Variants in DMXL1 observed in about 807,000 individuals in gnomAD.
DMXL1 encodes dmX-like protein 1.
In DMXL1, 99 loss-of-function variants were observed where a neutral mutation model predicts 319.2. That is an observed-to-expected ratio of 0.31 (90% CI 0.26 to 0.37). The LOEUF (loss-of-function observed/expected upper bound fraction) is 0.37, where lower values mean the gene tolerates loss of function less well. DMXL1 is among the 10% of genes least tolerant of loss of function. The probability of loss-of-function intolerance (pLI) is 1.00; values close to 1 mark genes in which losing one functional copy is unlikely to be tolerated. For synonymous variants in DMXL1, 1,385 were observed against 1,235.2 expected (o/e 1.12, Z -2.54); for missense variants, 3,745 against 3,595.6 (o/e 1.04, Z -1.06).
intron 3 of DMXL1, among the ~76,000 whole-genome samples, chr5:119,104,654 G>A (rs905666075): frequency 2.6e-5 from 4 of 152,222 alleles, no homozygotes; most frequent in African/African-American, 9.7e-5. Context: ...GTATGTGTGT[G>A]TGTTCTGGGT....
At chr5:119,114,603 A>G (rs1760408494) in intron 6 of DMXL1, 62 bp downstream of exon 6, 2 of 1,029,618 alleles carry the variant, frequency 1.9e-6, no homozygotes, top group South Asian at 1.5e-5. Flanking sequence ...AACTTTAAAA[A>G]CATCAACTGG....
chr5:119,204,014 G>A (rs370508520), intron 33 of DMXL1, among the ~76,000 whole-genome samples: 2 of 152,010 alleles, frequency 1.3e-5, no homozygotes, highest in African/African-American at 4.8e-5. Flanking sequence ...AGTAGAGACG[G>A]GGTTTCACTG....
chr5:119,233,325 C>T lies in DMXL1; in HGVS notation c.8339-15C>T, dbSNP rs1561933846. On this transcript the variant is annotated splice_polypyrimidine_tract_variant and intron_variant, in intron 38 of 43. Transcript: ENST00000539542. The stretch of plus-strand genomic sequence containing the variant: ...CTTGAAATAAATCTGCAATTTTTGC[C>T]CTCTTGTAATGCAGATCTGACAGGA... 6.3e-7 allele frequency: 1 copy of T among 1,589,852 alleles called. No individual in the cohort carries two copies. Among genetic ancestry groups the T allele is most frequent in the Non-Finnish European group, 8.5e-7 (1 of 1,169,738 alleles).
At chr5:119,228,746 T>G (rs1786083606) in intron 38 of DMXL1, among the ~76,000 whole-genome samples, 1 of 152,112 alleles carries the variant, frequency 6.6e-6, no homozygotes. Flanking sequence ...TTTGGGAAAT[T>G]TGTCAAAAAT....
At chr5:119,226,504 C>T (rs150446909) in intron 38 of DMXL1, among the ~76,000 whole-genome samples, 7 of 152,282 alleles carry the variant, frequency 4.6e-5, no homozygotes, top group African/African-American at 1.7e-4. Context: ...CACACTGTTT[C>T]TCTATGCTGT....
At chr5:119,180,692 A>C (rs928426237) in intron 28 of DMXL1, among the ~76,000 whole-genome samples, 1 of 152,160 alleles carries the variant, frequency 6.6e-6, no homozygotes. Context: ...CTAATTTCAC[A>C]TGAAATTTGC....
chr5:119,176,667 A>G (rs1290904212), intron 26 of DMXL1, among the ~76,000 whole-genome samples: 1 of 152,086 alleles, frequency 6.6e-6, no homozygotes, highest in East Asian at 1.9e-4. Context: ...ATATTTAAGT[A>G]TATTCATGTA....
chr5:119,193,710 C>T, intron 29 of DMXL1, 118 bp from the exon 30 acceptor site: 1 of 988,604 alleles, frequency 1.0e-6, no homozygotes, highest in East Asian at 2.5e-5. Context: ...ATAATAGTTA[C>T]TTAACTCTCT....
intron 28 of DMXL1, among the ~76,000 whole-genome samples, chr5:119,183,032 A>G (rs914704701): frequency 2.0e-5 from 3 of 152,194 alleles, no homozygotes; most frequent in African/African-American, 7.2e-5. Flanking sequence ...TAATAAATTC[A>G]TAGTAATGAC....
intron 22 of DMXL1, 29 bp downstream of exon 22, chr5:119,166,810 A>C: frequency 6.4e-7 from 1 of 1,558,590 alleles, no homozygotes; most frequent in Non-Finnish European, 8.7e-7. Flanking sequence ...ATAACAAAGT[A>C]TAGCAATGTC....
intron 35 of DMXL1, among the ~76,000 whole-genome samples, chr5:119,218,662 G>A (rs568547271): frequency 6.6e-6 from 1 of 151,960 alleles, no homozygotes; most frequent in Non-Finnish European, 1.5e-5. Flanking sequence ...TCACCATGTT[G>A]GTTGGCCAGG....
At chr5:119,077,479 GTTTTTTTTTTTT>G (rs774672621) in intron 1 of DMXL1, among the ~76,000 whole-genome samples, 1 of 70,174 alleles carries the variant, frequency 1.4e-5, no homozygotes, top group African/African-American at 5.5e-5. Flanking sequence ...TTCATCTTAG[GTTTTTTTTTTTT>G]TTTTTTTTTT....
At chr5:119,165,500 C>G (rs947358710) in intron 21 of DMXL1, among the ~76,000 whole-genome samples, 1 of 152,162 alleles carries the variant, frequency 6.6e-6, no homozygotes, top group Non-Finnish European at 1.5e-5. Context: ...TCAGATTTAT[C>G]AATCCAGAAA....
At chr5:119,148,370 C>T (rs1769041352) in intron 17 of DMXL1, among the ~76,000 whole-genome samples, 2 of 152,056 alleles carry the variant, frequency 1.3e-5, no homozygotes, top group East Asian at 1.9e-4. Flanking sequence ...GAAACAAATT[C>T]GGGATTAACT....
rs1440548294 is a variant in DMXL1 at position 119,164,398 on chromosome 5, G to A, written c.4703-109G>A. 3 of 965,936 alleles carry A rather than the reference G, an allele frequency of 3.1e-6. No individual in the cohort carries two copies. In the Admixed American group the frequency reaches 8.6e-5, roughly 28 times the overall value. 59.8% of individuals were successfully genotyped at this position (965,936 alleles called of 1,614,324 possible). A position where few individuals can be genotyped will look rare whatever the true frequency, so the allele number is the denominator to read the frequency against. ...CCATATTTCCAATCTTAAACTGTGAGTCTCATAGAAGTTTACACATTTATA... is the reference window on the plus strand; with the variant it reads ...CCATATTTCCAATCTTAAACTGTGAATCTCATAGAAGTTTACACATTTATA... On this transcript the variant is annotated intron_variant, in intron 19 of 43. Transcript: ENST00000539542.
intron 30 of DMXL1, 37 bp from the exon 31 acceptor site, chr5:119,196,334 G>C (rs1456658032): frequency 2.0e-6 from 3 of 1,514,668 alleles, no homozygotes; most frequent in South Asian, 2.2e-5. Context: ...AATCCCTATA[G>C]AAATAGTTAA....
At chr5:119,190,433 C>G (rs914203436) in intron 29 of DMXL1, among the ~76,000 whole-genome samples, 2 of 152,192 alleles carry the variant, frequency 1.3e-5, no homozygotes, top group African/African-American at 4.8e-5. Flanking sequence ...AGTGACCAAT[C>G]ATGTCAGTTC....
At chr5:119,181,183 G>A (rs3923326) in intron 28 of DMXL1, among the ~76,000 whole-genome samples, 61,918 of 152,078 alleles carry the variant, frequency 0.41, 15,172 homozygotes, top group East Asian at 0.95. Flanking sequence ...TTATAAGTCC[G>A]TCATAAGCTG....
intron 28 of DMXL1, among the ~76,000 whole-genome samples, chr5:119,189,076 T>C (rs1290566050): frequency 1.2e-4 from 19 of 152,190 alleles, no homozygotes; most frequent in African/African-American, 2.4e-5. Flanking sequence ...CTAATCTCTT[T>C]AGTATTCTGA....
Sources: allele counts gnomAD v4.1 joint callset (sites outside exome capture counted in the v4.1 genomes callset), GRCh38; gene constraint gnomAD v4.1.1; transcripts MANE v1.5; gene names NCBI Gene and HGNC (gene_info 2026-07-23, HGNC 2026-07-21).